Variants in PDE4D observed in about 807,000 individuals in gnomAD.
The protein encoded by PDE4D is phosphodiesterase 4D.
In PDE4D, 24 loss-of-function variants were observed where a neutral mutation model predicts 87.4. The observed-to-expected ratio is 0.27, with a 90% CI of 0.20 to 0.39. The LOEUF is 0.39. PDE4D is among the 10% of genes least tolerant of loss of function. PDE4D has a pLI of 1.00. For synonymous variants in PDE4D, 384 were observed against 383.2 expected (o/e 1.00, Z -0.02); for missense variants, 714 against 1,041.0 (o/e 0.69, Z 4.32).
At chr5:59,830,915 T>C (rs562041376) in intron 1 of PDE4D, among the ~76,000 whole-genome samples, 1 of 152,202 alleles carries the variant, frequency 6.6e-6, no homozygotes, top group Admixed American at 6.5e-5. Context: ...ATTTTAATGG[T>C]TAAGAAACTA....
chr5:59,453,933 T>A (rs1799524319), intron 1 of PDE4D, among the ~76,000 whole-genome samples: 1 of 152,184 alleles, frequency 6.6e-6, no homozygotes, highest in Non-Finnish European at 1.5e-5. Flanking sequence ...CTTCAAAGAT[T>A]CAAAAGACAG....
chr5:60,431,322 G>A (rs1419076474), intron 1 of PDE4D, among the ~76,000 whole-genome samples: 158 of 151,650 alleles, frequency 1.0e-3, no homozygotes, highest in African/African-American at 3.4e-3. Flanking sequence ...CAGACGGGGC[G>A]GTTGCCAGGC....
intron 1 of PDE4D, among the ~76,000 whole-genome samples, chr5:60,504,492 A>G (rs536543802): frequency 6.6e-6 from 1 of 152,226 alleles, no homozygotes; most frequent in African/African-American, 2.4e-5. Context: ...AGTGCACTGT[A>G]TTGTCCCTCA....
chr5:59,649,345 C>T (rs958865043), intron 1 of PDE4D, among the ~76,000 whole-genome samples: 1 of 152,098 alleles, frequency 6.6e-6, no homozygotes, highest in Non-Finnish European at 1.5e-5. Flanking sequence ...ACTTTGGGAA[C>T]GTGCTTGCAT....
chr5:60,087,208 A>C (rs554634724), intron 2 of PDE4D, among the ~76,000 whole-genome samples: 30 of 152,254 alleles, frequency 2.0e-4, no homozygotes, highest in Non-Finnish European at 3.1e-4. Context: ...AGACTCCCAG[A>C]ATGGGAAGAA....
chr5:58,975,948 CG>C lies in PDE4D; in HGVS notation c.1831-110del, dbSNP rs1580022826. The C allele has an allele frequency of 3.4e-5, 27 of 786,446 alleles. No homozygotes were observed. In the East Asian group the frequency reaches 5.9e-4, roughly 17 times the overall value. The allele number at this position is 786,446 out of a possible 1,614,324, so 48.7% of individuals were successfully genotyped here. On this transcript the variant is annotated intron_variant, in intron 13 of 14. Transcript: ENST00000340635. This position sits in a 1 kb window ranked among gnomAD's most constrained non-coding sequence, Gnocchi z 4.2. ...GATGACTGCAACACTTAAAAATACA[CG>C]TAGTGTAAGATTTATTCCAAACAGC...
At chr5:59,650,682 A>G (rs1743305322) in intron 1 of PDE4D, among the ~76,000 whole-genome samples, 1 of 152,226 alleles carries the variant, frequency 6.6e-6, no homozygotes, top group South Asian at 2.1e-4. Context: ...AACATCTACC[A>G]TGTTTAATGT....
intron 2 of PDE4D, among the ~76,000 whole-genome samples, chr5:59,992,187 G>A (rs1166618424): frequency 2.0e-5 from 3 of 152,180 alleles, no homozygotes; most frequent in Admixed American, 6.5e-5. Flanking sequence ...TGGGCCTTGA[G>A]CCACAGACTG....
intron 1 of PDE4D, among the ~76,000 whole-genome samples, chr5:60,354,046 G>C (rs1445307577): frequency 6.6e-6 from 1 of 152,052 alleles, no homozygotes; most frequent in East Asian, 1.9e-4. Flanking sequence ...CTTAATAACT[G>C]ATAAGATAAT....
intron 3 of PDE4D, among the ~76,000 whole-genome samples, chr5:59,904,085 TTGCTGC>T (rs1316402968): frequency 6.6e-6 from 1 of 152,162 alleles, no homozygotes; most frequent in East Asian, 1.9e-4. Flanking sequence ...ACTCAAGAAT[TTGCTGC>T]TGCTGTTATT....
intron 1 of PDE4D, among the ~76,000 whole-genome samples, chr5:60,331,822 T>C (rs2149871115): frequency 6.6e-6 from 1 of 152,330 alleles, no homozygotes; most frequent in Admixed American, 6.5e-5. Context: ...GAATAGTCTT[T>C]CTACCAGACT....
At chr5:59,917,909 C>G (rs1227657575) in intron 3 of PDE4D, among the ~76,000 whole-genome samples, 1 of 151,974 alleles carries the variant, frequency 6.6e-6, no homozygotes. Context: ...ACGATTGCAT[C>G]TCTTTTTACA....
intron 1 of PDE4D, among the ~76,000 whole-genome samples, chr5:60,404,543 A>G (rs973667726): frequency 6.6e-6 from 1 of 152,208 alleles, no homozygotes. Flanking sequence ...TCCTCTGCCA[A>G]GTAGCTACTA....
chr5:59,014,015 C>A lies in PDE4D; in HGVS notation c.922-20550G>T, dbSNP rs533462804. ...ACATATGCAAATCAATAAACGTAAT[C>A]CATCATATAAACAGAACCAAAGACA... is the stretch of plus-strand genomic sequence containing the variant. On this transcript the variant is annotated intron_variant, in intron 6 of 14. Coordinates refer to ENST00000340635, the MANE Select transcript of PDE4D (RefSeq NM_001104631.2). Among the ~76,000 whole-genome samples the A allele has an allele frequency of 3.9e-5, 6 of 152,268 alleles. No homozygotes were observed. The East Asian group carries it at 1.2e-3, about 29-fold the overall frequency.
chr5:59,712,311 A>C (rs1459840007), intron 1 of PDE4D, among the ~76,000 whole-genome samples: 1 of 150,076 alleles, frequency 6.7e-6, no homozygotes, highest in African/African-American at 2.4e-5. Flanking sequence ...CTGTCTGTCT[A>C]TCCATTTGTC....
In PDE4D at chr5:60,014,892, G is replaced by A. The variant is rs550600741; in HGVS notation, c.43-26175C>T. Among the ~76,000 whole-genome samples the A allele has an allele frequency of 3.9e-5, 6 of 152,298 alleles. No homozygotes were observed. In the South Asian group the frequency reaches 1.2e-3, roughly 32 times the overall value. On this transcript the variant is annotated intron_variant, in intron 2 of 16. Transcript: ENST00000502484. ...GTTAACTTAGAGGAGAGAGTCAACA[G>A]GCACTGAAAACAATGGAATAGAAAT...
intron 1 of PDE4D, among the ~76,000 whole-genome samples, chr5:59,503,317 A>C (rs143398597): frequency 6.6e-6 from 1 of 152,312 alleles, no homozygotes; most frequent in African/African-American, 2.4e-5. Context: ...GGCAAATAAA[A>C]TTAGTAAAAT....
At chr5:59,757,183 CAA>C (rs1209133420) in intron 1 of PDE4D, among the ~76,000 whole-genome samples, 1 of 152,026 alleles carries the variant, frequency 6.6e-6, no homozygotes, top group Non-Finnish European at 1.5e-5. Flanking sequence ...TAGAAAATGA[CAA>C]ATAAATGTCA....
chr5:60,046,631 G>C (rs1654783767), intron 2 of PDE4D, among the ~76,000 whole-genome samples: 1 of 152,096 alleles, frequency 6.6e-6, no homozygotes, highest in Non-Finnish European at 1.5e-5. Context: ...TAATCATGTG[G>C]TTTTTGTCTT....
Sources: allele counts gnomAD v4.1 joint callset (sites outside exome capture counted in the v4.1 genomes callset), GRCh38; gene constraint gnomAD v4.1.1; non-coding constraint Gnocchi (gnomAD v3.1); transcripts MANE v1.5; gene names NCBI Gene and HGNC (gene_info 2026-07-23, HGNC 2026-07-21).